Variants in DNAH6 observed in about 807,000 individuals in gnomAD.
The protein encoded by DNAH6 is axonemal beta dynein heavy chain 6.
In DNAH6, 340 loss-of-function variants were observed where a neutral mutation model predicts 491.4. The observed-to-expected ratio is 0.69, with a 90% CI of 0.63 to 0.76. The LOEUF is 0.76. Among genes scored for constraint, DNAH6 ranks in the 30% least tolerant of loss-of-function variants. The probability of loss-of-function intolerance (pLI) is 0.00; values close to 1 mark genes in which losing one functional copy is unlikely to be tolerated. For synonymous variants in DNAH6, 1,603 were observed against 1,686.1 expected (o/e 0.95, Z 1.21); for missense variants, 4,443 against 4,972.2 (o/e 0.89, Z 3.20).
At chr2:84,504,411 G>T in the DNAH6 span, among the ~76,000 whole-genome samples, 1 of 152,158 alleles carries the variant, frequency 6.6e-6, no homozygotes, top group Non-Finnish European at 1.5e-5. Context: ...GGTTTCTGGT[G>T]CCTTATTTAG....
At chr2:84,492,490 T>C in the DNAH6 span, among the ~76,000 whole-genome samples, 1 of 152,238 alleles carries the variant, frequency 6.6e-6, no homozygotes, top group African/African-American at 2.4e-5. Flanking sequence ...GGTTATTTTC[T>C]TTTCTCACTA....
chr2:84,771,998 A>G (rs761788118), intron 64 of DNAH6, among the ~76,000 whole-genome samples: 2 of 152,124 alleles, frequency 1.3e-5, no homozygotes, highest in Non-Finnish European at 2.9e-5. Context: ...AGGCAAAAGC[A>G]TAAAACAATA....
At chr2:84,460,455 A>T in the DNAH6 span, among the ~76,000 whole-genome samples, 2 of 152,234 alleles carry the variant, frequency 1.3e-5, no homozygotes, top group African/African-American at 4.8e-5. Flanking sequence ...AAATAGCAAA[A>T]TTATTCCTGA....
At chr2:84,658,045 AC>A (rs1162567157) in intron 35 of DNAH6, among the ~76,000 whole-genome samples, 1 of 152,006 alleles carries the variant, frequency 6.6e-6, no homozygotes, top group Admixed American at 6.6e-5. Flanking sequence ...TGAAATTAAC[AC>A]CTCTGAACCC....
intron 4 of DNAH6, among the ~76,000 whole-genome samples, chr2:84,529,961 A>C (rs754885579): frequency 6.6e-6 from 1 of 152,224 alleles, no homozygotes; most frequent in Non-Finnish European, 1.5e-5. Context: ...TTTTTAATCA[A>C]AATTTAAAAT....
chr2:84,576,943 C>T (rs1682506865), intron 12 of DNAH6, among the ~76,000 whole-genome samples: 1 of 152,118 alleles, frequency 6.6e-6, no homozygotes, highest in African/African-American at 2.4e-5. Context: ...TGAAACCAAC[C>T]TAACTCTGAA....
At chr2:84,483,074 C>T in the DNAH6 span, among the ~76,000 whole-genome samples, 1 of 151,980 alleles carries the variant, frequency 6.6e-6, no homozygotes, top group Non-Finnish European at 1.5e-5. Flanking sequence ...GATCCTCCCA[C>T]ATCAGCCTCC....
chr2:84,750,325 G>A (rs1295479222), intron 63 of DNAH6, among the ~76,000 whole-genome samples: 1 of 151,284 alleles, frequency 6.6e-6, no homozygotes, highest in Admixed American at 6.6e-5. Context: ...TGGGACCACA[G>A]ACATGTACCA....
the DNAH6 span, among the ~76,000 whole-genome samples, chr2:84,471,265 CTT>C: frequency 6.6e-6 from 1 of 152,238 alleles, no homozygotes; most frequent in Non-Finnish European, 1.5e-5. Context: ...AATGTGGCCT[CTT>C]TTAACTGAGC....
At chr2:84,577,979 T>G (rs1221250577) in intron 13 of DNAH6, among the ~76,000 whole-genome samples, 1 of 152,230 alleles carries the variant, frequency 6.6e-6, no homozygotes, top group Admixed American at 6.5e-5. Context: ...GCCTCTTGTT[T>G]TGTATACAGT....
chr2:84,761,349 T>TA (rs144087924), intron 63 of DNAH6, among the ~76,000 whole-genome samples: 3,879 of 148,360 alleles, frequency 0.026, 131 homozygotes, highest in African/African-American at 0.086. Context: ...GGATGGAGGA[T>TA]AAAAAAAAAA....
chr2:84,692,164 A>G lies in DNAH6; in HGVS notation c.7293-2085A>G, dbSNP rs62162768. On this transcript the variant is annotated intron_variant, in intron 45 of 76. Transcript: ENST00000389394. ...GATGTATATAGTAACTAACTGTTAC[A>G]GTCTCTAGAAGTTGGTTACTTGAAT... Among the ~76,000 whole-genome samples the G allele has an allele frequency of 9.0e-3, 1,367 of 152,330 alleles. 7 individuals carry two copies. Among genetic ancestry groups the G allele is most frequent in the Middle Eastern group, 0.02 (6 of 294 alleles).
At chr2:84,681,689 T>C (rs1693788962) in intron 42 of DNAH6, among the ~76,000 whole-genome samples, 161 bp downstream of exon 42, 1 of 151,628 alleles carries the variant, frequency 6.6e-6, no homozygotes, top group South Asian at 2.1e-4. Context: ...CTATTTCACA[T>C]GGCCAACACT....
chr2:84,704,118 GA>G lies in DNAH6; in HGVS notation c.8284del (p.Thr2762ProfsTer4). On this transcript the variant is annotated frameshift_variant, in exon 51 of 77. Coordinates refer to ENST00000389394, the MANE Select transcript of DNAH6 (RefSeq NM_001370.2). LOFTEE classifies it high-confidence loss of function. ...DEATAKVKAE[E>X]TQAIADDAQR... ...AGCAACAGCAAAAGTCAAAGCTGAA[GA>G]AACCCAAGCAATAGCTGATGATGCT... The G allele has an allele frequency of 6.4e-7, 1 of 1,551,866 alleles. No individual in the cohort carries two copies. The highest frequency in any genetic ancestry group is 1.2e-5 in the South Asian group (1 of 84,066).
At chr2:84,718,501 A>G (rs1327617514) in intron 59 of DNAH6, 117 bp downstream of exon 59, 6 of 781,154 alleles carry the variant, frequency 7.7e-6, no homozygotes, top group East Asian at 3.2e-5. Flanking sequence ...CTGGGCTTCC[A>G]TGGACACACA....
chr2:84,544,180 T>G, intron 4 of DNAH6, 53 bp from the exon 5 acceptor site: 1 of 956,876 alleles, frequency 1.0e-6, no homozygotes, highest in Non-Finnish European at 1.5e-6. Context: ...TGCAATTGCT[T>G]CATTTTGTAT....
intron 67 of DNAH6, 97 bp downstream of exon 67, chr2:84,785,853 A>G: frequency 1.6e-6 from 2 of 1,235,178 alleles, no homozygotes; most frequent in Non-Finnish European, 2.2e-6. Context: ...GTCATTGTGA[A>G]ATGCTGAAGG....
At chr2:84,732,748 C>A (rs893534048) in intron 61 of DNAH6, among the ~76,000 whole-genome samples, 1 of 152,186 alleles carries the variant, frequency 6.6e-6, no homozygotes, top group African/African-American at 2.4e-5. Flanking sequence ...AGATTATATA[C>A]TTCAAATGAA....
chr2:84,604,625 C>T (rs2104286353), intron 19 of DNAH6, 74 bp downstream of exon 19: 4 of 1,207,082 alleles, frequency 3.3e-6, no homozygotes, highest in Non-Finnish European at 4.6e-6. Flanking sequence ...ATTTGGTGAT[C>T]TGGATGTTTT....
Sources: gnomAD v4.1 joint callset for allele counts (sites outside exome capture counted in the v4.1 genomes callset) on GRCh38, gnomAD v4.1.1 for gene constraint, MANE v1.5 for transcripts, NCBI Gene and HGNC (gene_info 2026-07-23, HGNC 2026-07-21) for gene names.